The following LY6E variants were observed in gnomAD, a reference collection of about 807,000 sequenced individuals.
The protein encoded by LY6E is lymphocyte antigen 6E.
LY6E carries 4 observed loss-of-function variants against 7.7 expected under a neutral mutation model. The observed-to-expected ratio is 0.52, with a 90% confidence interval of 0.25 to 1.18. The LOEUF (loss-of-function observed/expected upper bound fraction) is 1.18, where lower values mean the gene tolerates loss of function less well. Ranked by LOEUF, LY6E falls within the 50% of genes most tolerant of loss-of-function variation. The pLI is 0.14. For synonymous variants in LY6E, 81 were observed against 80.1 expected (o/e 1.01, Z -0.06); for missense variants, 156 against 168.0 (o/e 0.93, Z 0.40).
Position 143,020,970 on chromosome 8 carries a change from GC to G in LY6E, c.34del (p.Leu12PhefsTer10). On this transcript the variant is annotated frameshift_variant, in exon 2 of 4. Coordinates refer to ENST00000292494, the MANE Select transcript of LY6E (RefSeq NM_002346.3). LOFTEE classifies it high-confidence loss of function. Reference protein sequence around the residue: MKIFLPVLLAALLGVERASSL... With the variant: MKIFLPVLLAXLLGVERASSL... ...GATCTTCTTGCCAGTGCTGCTGGCT[GC>G]CCTTCTGGGTGTGGAGCGAGGTGAG... The G allele has an allele frequency of 6.2e-7, 1 of 1,613,964 alleles. No homozygotes were observed. Among genetic ancestry groups the G allele is most frequent in the Non-Finnish European group, 8.5e-7 (1 of 1,180,002 alleles).
chr8:143,019,602 T>C lies in LY6E; in HGVS notation c.-58+1016T>C, dbSNP rs369076138. ...GGCGGGGATAGGCCCCAGCCGGACT[T>C]GGCACTGTTTTTGGCCACCTGGGGC... On this transcript the variant is annotated intron_variant, in intron 1 of 3. Coordinates refer to ENST00000292494, the MANE Select transcript of LY6E (RefSeq NM_002346.3). 5.9e-5 allele frequency among the ~76,000 whole-genome samples: 9 copies of C among 152,322 alleles called. No individual in the cohort carries two copies. In the South Asian group the frequency reaches 1.9e-3, roughly 32 times the overall value.
intron 1 of LY6E, among the ~76,000 whole-genome samples, chr8:143,020,548 A>G (rs1035233896): frequency 6.6e-5 from 10 of 152,178 alleles, no homozygotes; most frequent in Non-Finnish European, 1.3e-4. Flanking sequence ...ACTAGCTAAT[A>G]TTATGACTGA....
intron 2 of LY6E, 66 bp downstream of exon 2, chr8:143,021,057 C>A: frequency 1.3e-6 from 2 of 1,569,838 alleles, no homozygotes; most frequent in South Asian, 2.3e-5. Flanking sequence ...CTCTCCACCC[C>A]TCTCCCCTGA....
At chr8:143,019,858 CAG>C (rs550756309) in intron 1 of LY6E, among the ~76,000 whole-genome samples, 9 of 152,352 alleles carry the variant, frequency 5.9e-5, no homozygotes, top group African/African-American at 2.2e-4. Context: ...ACTCACAAAA[CAG>C]AGAATCACGA....
At chr8:143,019,931 C>G (rs550473622) in intron 1 of LY6E, among the ~76,000 whole-genome samples, 1 of 152,228 alleles carries the variant, frequency 6.6e-6, no homozygotes, top group Non-Finnish European at 1.5e-5. Context: ...GTGCAGAGGC[C>G]GAGGAGCAGT....
Position 143,022,405 on chromosome 8 carries a change from C to T in LY6E, c.*616C>T, listed in dbSNP as rs544277643. 311 of 154,050 alleles carry T rather than the reference C, an allele frequency of 2.0e-3. 4 individuals carry two copies. The Middle Eastern group carries it at 0.044, about 22-fold the overall frequency. 9.5% of individuals were successfully genotyped at this position (154,050 alleles called of 1,614,324 possible). A position where few individuals can be genotyped will look rare whatever the true frequency, so the allele number is the denominator to read the frequency against. ...GGTGCCTCAAATAAATACAGATGTC[C>T]CCCAGCTTCCTGCTCTGAGTGTGGC... On this transcript the variant is annotated 3_prime_UTR_variant, in exon 4 of 4. Coordinates refer to ENST00000292494, the MANE Select transcript of LY6E (RefSeq NM_002346.3).
rs1427671850 is a variant in LY6E, at chr8:143,021,904, T to C, written c.*115T>C. The C allele has an allele frequency of 2.0e-6, 2 of 1,004,918 alleles. No individual in the cohort carries two copies. The highest frequency in any genetic ancestry group is 2.8e-6 in the Non-Finnish European group (2 of 702,306). The allele number at this position is 1,004,918 out of a possible 1,614,324, so 62.3% of individuals were successfully genotyped here. Reference sequence around the variant, plus strand: ...TCACGTGCCTGATCTGTGCCCTTGGTCCCAGGTCAGGCCCACCCCCTGCAC... The same window carrying C: ...TCACGTGCCTGATCTGTGCCCTTGGCCCCAGGTCAGGCCCACCCCCTGCAC... On this transcript the variant is annotated 3_prime_UTR_variant, in exon 4 of 4. Transcript: ENST00000292494.
At chr8:143,019,418 C>T (rs1173728124) in intron 1 of LY6E, among the ~76,000 whole-genome samples, 1 of 152,228 alleles carries the variant, frequency 6.6e-6, no homozygotes, top group Non-Finnish European at 1.5e-5. Flanking sequence ...TGGGTGCCAC[C>T]CAGTGAGCAG....
chr8:143,021,438 G>A lies in LY6E; in HGVS notation c.172+5G>A. The A allele has an allele frequency of 1.9e-6, 3 of 1,613,938 alleles. No homozygotes were observed. Among genetic ancestry groups the A allele is most frequent in the Non-Finnish European group, 2.5e-6 (3 of 1,180,036 alleles). ...TGTCTGCTAGTGCCGGCATTGGTGAGTGCCAGGCCTCAGACCGTGCCTTCC... is the reference window on the plus strand; with the variant it reads ...TGTCTGCTAGTGCCGGCATTGGTGAATGCCAGGCCTCAGACCGTGCCTTCC... On this transcript the variant is annotated splice_donor_5th_base_variant and intron_variant, in intron 3 of 3. Transcript: ENST00000292494.
Position 143,020,812 on chromosome 8 carries a change from C to A in LY6E, c.-57-71C>A, listed in dbSNP as rs933792681. On this transcript the variant is annotated intron_variant, in intron 1 of 3. Transcript: ENST00000292494. ...CCTCTGCTGTCTGTGTCCTCATCTG[C>A]AAAGTGGGGGTGCATGGTCTTGGGG... 6.3e-6 allele frequency: 5 copies of A among 796,424 alleles called. No homozygotes were observed. The African/African-American group carries it at 6.8e-5, about 11-fold the overall frequency. The allele number at this position is 796,424 out of a possible 1,614,324, so 49.3% of individuals were successfully genotyped here.
At chr8:143,021,456 T>C (rs1476793072) in intron 3 of LY6E, 23 bp downstream of exon 3, 3 of 1,613,756 alleles carry the variant, frequency 1.9e-6, no homozygotes, top group Admixed American at 3.3e-5. Context: ...CCTCAGACCG[T>C]GCCTTCCTCC....
intron 2 of LY6E, 47 bp downstream of exon 2, chr8:143,021,038 C>G (rs1819207392): frequency 1.9e-6 from 3 of 1,593,328 alleles, no homozygotes; most frequent in African/African-American, 1.3e-5. Context: ...CTGTGCCCTG[C>G]TCCACTCCCT....
chr8:143,020,561 A>ACCATTCC (rs567573576), intron 1 of LY6E, among the ~76,000 whole-genome samples: 6 of 152,032 alleles, frequency 3.9e-5, no homozygotes, highest in Non-Finnish European at 7.4e-5. Flanking sequence ...ATGACTGATC[A>ACCATTCC]CCATTCCCCA....
Position 143,022,013 on chromosome 8 carries a change from G to A in LY6E, c.*224G>A. 3.4e-6 allele frequency: 2 copies of A among 590,144 alleles called. No homozygotes were observed. The highest frequency in any genetic ancestry group is 2.1e-5 in the South Asian group (1 of 47,872). 36.6% of individuals were successfully genotyped at this position (590,144 alleles called of 1,614,324 possible). A position where few individuals can be genotyped will look rare whatever the true frequency, so the allele number is the denominator to read the frequency against. ...GGGTGGATGATGTGACCTTCCTTGGGGGACCGCGGAAGGGACGAGGGTTCC... is the reference window on the plus strand; with the variant it reads ...GGGTGGATGATGTGACCTTCCTTGGAGGACCGCGGAAGGGACGAGGGTTCC... On this transcript the variant is annotated 3_prime_UTR_variant, in exon 4 of 4. Coordinates refer to ENST00000292494, the MANE Select transcript of LY6E (RefSeq NM_002346.3).
At position 143,022,000 on chromosome 8, in the gene LY6E, T is replaced by A; in HGVS notation, c.*211T>A. On this transcript the variant is annotated 3_prime_UTR_variant, in exon 4 of 4. Transcript: ENST00000292494. ...GCCCTCACTTCTGGGGTGGATGATG[T>A]GACCTTCCTTGGGGGACCGCGGAAG... is the stretch of plus-strand genomic sequence containing the variant. 1.7e-6 allele frequency: 1 copy of A among 591,840 alleles called. No individual in the cohort carries two copies. Among genetic ancestry groups the A allele is most frequent in the Non-Finnish European group, 3.0e-6 (1 of 333,736 alleles). 36.7% of individuals were successfully genotyped at this position (591,840 alleles called of 1,614,324 possible). A position where few individuals can be genotyped will look rare whatever the true frequency, so the allele number is the denominator to read the frequency against.
In LY6E at chr8:143,020,982, G is replaced by GT. The variant is rs1819205252; in HGVS notation, c.44dup (p.Glu16GlyfsTer39). 6.2e-7 allele frequency: 1 copy of GT among 1,613,760 alleles called. No individual in the cohort carries two copies. The highest frequency in any genetic ancestry group is 8.5e-7 in the Non-Finnish European group (1 of 1,179,990). ...AGTGCTGCTGGCTGCCCTTCTGGGT[G>GT]TGGAGCGAGGTGAGGTGCCCTTGGG... On this transcript the variant is annotated frameshift_variant, in exon 2 of 4. Coordinates refer to ENST00000292494, the MANE Select transcript of LY6E (RefSeq NM_002346.3). LOFTEE classifies it high-confidence loss of function.
rs961662893 is a variant in LY6E at position 143,018,583 on chromosome 8, G to C, written c.-61G>C. On this transcript the variant is annotated 5_prime_UTR_variant, in exon 1 of 4. Coordinates refer to ENST00000292494, the MANE Select transcript of LY6E (RefSeq NM_002346.3). ...AGGCTGCTGGTACCTGCGTCCGCCC[G>C]GCGGTGAGTCCGCGGGCCCCCGGCC... 1 of 149,872 alleles carries C rather than the reference G, an allele frequency of 6.7e-6. No individual in the cohort carries two copies. Among genetic ancestry groups the C allele is most frequent in the South Asian group, 2.1e-4 (1 of 4,850 alleles). 9.3% of individuals were successfully genotyped at this position (149,872 alleles called of 1,614,324 possible).
chr8:143,020,583 C>G (rs1819195057), intron 1 of LY6E, among the ~76,000 whole-genome samples: 2 of 152,308 alleles, frequency 1.3e-5, no homozygotes, highest in Admixed American at 6.5e-5. Flanking sequence ...TCCCCATTCC[C>G]CCACCCCAGG....
At chr8:143,019,546 G>C (rs1361365876) in intron 1 of LY6E, among the ~76,000 whole-genome samples, 1 of 152,202 alleles carries the variant, frequency 6.6e-6, no homozygotes, top group Non-Finnish European at 1.5e-5. Context: ...AAAGGAATTG[G>C]AGATCCTTCC....
Sources: allele counts gnomAD v4.1 joint callset (sites outside exome capture counted in the v4.1 genomes callset), GRCh38; gene constraint gnomAD v4.1.1; transcripts MANE v1.5; gene names NCBI Gene and HGNC (gene_info 2026-07-23, HGNC 2026-07-21).